The following UNC45B variants were observed in gnomAD, a reference collection of about 807,000 sequenced individuals.
UNC45B encodes the protein protein unc-45 homolog B.
Under a neutral mutation model 98.7 loss-of-function variants are expected in UNC45B, and 78 were observed. That is an observed-to-expected ratio of 0.79 (90% confidence interval 0.66 to 0.95). UNC45B has a LOEUF of 0.95. UNC45B is among the 40% of genes least tolerant of loss of function. The pLI, the probability that UNC45B is intolerant of heterozygous loss-of-function variation, is 0.00. For missense variants in UNC45B, 1,225 were observed against 1,184.9 expected, an observed-to-expected ratio of 1.03 and a Z score of -0.50; for synonymous variants, 462 against 480.4, an observed-to-expected ratio of 0.96 and a Z score of 0.50.
At chr17:35,182,240 C>T (rs2092278546) in intron 18 of UNC45B, among the ~76,000 whole-genome samples, 1 of 152,068 alleles carries the variant, frequency 6.6e-6, no homozygotes, top group South Asian at 2.1e-4. Flanking sequence ...CAGGCGCGTG[C>T]CACCACCCCT....
intron 13 of UNC45B, among the ~76,000 whole-genome samples, chr17:35,171,713 T>C (rs1484852084): frequency 1.3e-5 from 2 of 152,276 alleles, no homozygotes; most frequent in Non-Finnish European, 2.9e-5. Flanking sequence ...AACAGAGCCA[T>C]GATGGACACT....
chr17:35,155,258 G>A (rs1175204751), intron 6 of UNC45B, 38 bp from the exon 7 acceptor site: 26 of 1,606,636 alleles, frequency 1.6e-5, no homozygotes, highest in Non-Finnish European at 2.2e-5. Context: ...AGAAGGGAGG[G>A]GCAAGGCAGC....
intron 19 of UNC45B, 86 bp from the exon 20 acceptor site, chr17:35,186,213 C>T (rs2092302292): frequency 1.3e-6 from 2 of 1,550,006 alleles, no homozygotes; most frequent in East Asian, 2.3e-5. Context: ...CCTAACATTG[C>T]CACACCAGGG....
chr17:35,164,336 G>A (rs1193996410), intron 9 of UNC45B, 170 bp downstream of exon 9: 4 of 703,972 alleles, frequency 5.7e-6, no homozygotes, highest in Non-Finnish European at 8.6e-6. Context: ...GGTCTTTCAT[G>A]AAGTTACAGT....
In UNC45B at chr17:35,152,810, T is replaced by C. The variant is rs957715089; in HGVS notation, c.382-83T>C. On this transcript the variant is annotated intron_variant, in intron 4 of 19. Coordinates refer to ENST00000394570, the MANE Select transcript of UNC45B (RefSeq NM_001267052.2). ...GCGGGAGCCCAGAGTAGACACCTGA[T>C]ATTTACTGAGATGAACTGAATGTGG... The C allele has an allele frequency of 2.7e-5, 28 of 1,034,908 alleles. No individual in the cohort carries two copies. The African/African-American group carries it at 3.3e-4, about 12-fold the overall frequency. 64.1% of individuals were successfully genotyped at this position (1,034,908 alleles called of 1,614,324 possible).
At chr17:35,171,221 C>T (rs1448635635) in intron 12 of UNC45B, 101 bp from the exon 13 acceptor site, 13 of 1,496,556 alleles carry the variant, frequency 8.7e-6, no homozygotes, top group South Asian at 7.7e-5. Context: ...TGCACTCCTC[C>T]GACACCAACC....
chr17:35,183,691 C>T, intron 19 of UNC45B, 109 bp downstream of exon 19: 2 of 1,207,560 alleles, frequency 1.7e-6, no homozygotes. Flanking sequence ...AAAGAAACCC[C>T]TCGCAGCCCC....
In UNC45B at chr17:35,170,612, G is replaced by A. The variant is rs550829783; in HGVS notation, c.1689+357G>A. On this transcript the variant is annotated intron_variant, in intron 12 of 19. Transcript: ENST00000394570. ...GCACTTCAGGAGGCTGAGGCGGGCG[G>A]ATGGCTTGAGCTCTGGGGTTCAGGA... Among the ~76,000 whole-genome samples the A allele has an allele frequency of 1.5e-4, 23 of 151,736 alleles. No individual in the cohort carries two copies. In the South Asian group the frequency reaches 4.8e-3, roughly 32 times the overall value.
intron 7 of UNC45B, among the ~76,000 whole-genome samples, chr17:35,156,601 G>A (rs187699840): frequency 2.0e-3 from 302 of 152,152 alleles, no homozygotes; most frequent in African/African-American, 6.6e-3. Flanking sequence ...ACTCCAACCC[G>A]GGTGACAGAG....
In UNC45B at chr17:35,170,110, C is replaced by G; in HGVS notation, c.1548-4C>G. The stretch of plus-strand genomic sequence containing the variant: ...TCCCATGTGTGCTCCCTCCTCACTT[C>G]CAGGTGGCTGTGCAATATGTCCATA... On this transcript the variant is annotated splice_polypyrimidine_tract_variant and splice_region_variant and intron_variant, in intron 11 of 19. Coordinates refer to ENST00000394570, the MANE Select transcript of UNC45B (RefSeq NM_001267052.2). The G allele has an allele frequency of 6.2e-7, 1 of 1,607,078 alleles. No homozygotes were observed. Among genetic ancestry groups the G allele is most frequent in the Non-Finnish European group, 8.5e-7 (1 of 1,174,986 alleles).
intron 5 of UNC45B, 129 bp from the exon 6 acceptor site, chr17:35,154,445 C>A (rs2092043251): frequency 1.2e-6 from 1 of 847,476 alleles, no homozygotes; most frequent in Non-Finnish European, 1.7e-6. Flanking sequence ...GGAGGATTAC[C>A]AAGGTGAGAT....
chr17:35,159,251 A>T lies in UNC45B; in HGVS notation c.809-124A>T. ...ATGGGCAACACTATACTCCCCTGGG[A>T]ATTCACATATTCAGGAAGTAGTGGA... is the stretch of plus-strand genomic sequence containing the variant. On this transcript the variant is annotated intron_variant, in intron 7 of 19. Coordinates refer to ENST00000394570, the MANE Select transcript of UNC45B (RefSeq NM_001267052.2). 3.2e-6 allele frequency: 3 copies of T among 944,114 alleles called. No homozygotes were observed. Among genetic ancestry groups the T allele is most frequent in the South Asian group, 1.7e-5 (1 of 60,072 alleles). The allele number at this position is 944,114 out of a possible 1,614,324, so 58.5% of individuals were successfully genotyped here.
chr17:35,176,715 T>C (rs2092236423), intron 15 of UNC45B, among the ~76,000 whole-genome samples: 1 of 152,096 alleles, frequency 6.6e-6, no homozygotes, highest in African/African-American at 2.4e-5. Context: ...ACAAAAGGAT[T>C]GAGTTTGGCT....
At chr17:35,150,270 T>C in intron 4 of UNC45B, 47 bp downstream of exon 4, 3 of 1,567,192 alleles carry the variant, frequency 1.9e-6, no homozygotes, top group Middle Eastern at 1.7e-4. Flanking sequence ...AGCCCCTCTC[T>C]TCATTCCTAG....
Position 35,168,041 on chromosome 17 carries a change from A to G in UNC45B, c.1152-20A>G. 1.4e-6 allele frequency: 2 copies of G among 1,431,002 alleles called. No homozygotes were observed. The highest frequency in any genetic ancestry group is 1.8e-6 in the Non-Finnish European group (2 of 1,085,118). 88.6% of individuals were successfully genotyped at this position (1,431,002 alleles called of 1,614,324 possible). On this transcript the variant is annotated intron_variant, in intron 9 of 19. Transcript: ENST00000394570. ...CTCTCTTGGACCAGTTCTCTTGACC[A>G]CCCTTGTCCTTTGTTTTAGGGGCAA...
At chr17:35,184,637 T>C (rs760301351) in intron 19 of UNC45B, among the ~76,000 whole-genome samples, 12 of 152,224 alleles carry the variant, frequency 7.9e-5, no homozygotes, top group Non-Finnish European at 1.5e-4. Flanking sequence ...ATTATTATTG[T>C]CATCATCCCT....
chr17:35,163,611 A>G (rs1367901306), intron 8 of UNC45B, among the ~76,000 whole-genome samples: 1 of 152,194 alleles, frequency 6.6e-6, no homozygotes, highest in Non-Finnish European at 1.5e-5. Context: ...CTCAAACTTT[A>G]TGAGGTAGGT....
chr17:35,153,066 G>A (rs759139741), intron 5 of UNC45B, 84 bp downstream of exon 5: 65 of 1,218,762 alleles, frequency 5.3e-5, no homozygotes, highest in Admixed American at 2.9e-4. Context: ...AAGGGGGACC[G>A]GAGGCCTGTC....
intron 4 of UNC45B, 76 bp from the exon 5 acceptor site, chr17:35,152,817 T>C: frequency 1.9e-6 from 2 of 1,079,860 alleles, no homozygotes; most frequent in South Asian, 2.5e-5. Context: ...TGATATTTAC[T>C]GAGATGAACT....
Sources: gnomAD v4.1 joint callset for allele counts (sites outside exome capture counted in the v4.1 genomes callset) on GRCh38, gnomAD v4.1.1 for gene constraint, MANE v1.5 for transcripts, NCBI Gene and HGNC (gene_info 2026-07-23, HGNC 2026-07-21) for gene names.